RHOBTB2: variants seen among roughly 807,000 people sequenced by gnomAD.
RHOBTB2 encodes rho-related BTB domain-containing protein 2.
In RHOBTB2, 39 loss-of-function variants were observed where a neutral mutation model predicts 66.5. That is an observed-to-expected ratio of 0.59 (90% CI 0.45 to 0.77). The LOEUF is 0.77. Ranked by LOEUF, RHOBTB2 falls within the 30% of genes least tolerant of loss-of-function variation. The pLI is 0.00. For missense variants in RHOBTB2, 755 were observed against 999.1 expected (o/e 0.76, Z 3.29); for synonymous variants, 390 against 395.0 (o/e 0.99, Z 0.15).
At chr8:22,985,647 G>T (rs909188575), upstream of RHOBTB2, among the ~76,000 whole-genome samples, 2 of 152,196 alleles carry the variant, frequency 1.3e-5, no homozygotes, top group African/African-American at 4.8e-5. Flanking sequence ...TCCCAACAGG[G>T]AGGAAGGTGC....
At chr8:22,998,338 G>A (rs190350048), upstream of RHOBTB2, among the ~76,000 whole-genome samples, 18 of 152,248 alleles carry the variant, frequency 1.2e-4, no homozygotes, top group African/African-American at 2.2e-4. Context: ...TGGTGGAGGC[G>A]GTTCAGGTGG....
chr8:22,984,199 C>A (rs967227767), upstream of RHOBTB2, among the ~76,000 whole-genome samples: 41 of 152,142 alleles, frequency 2.7e-4, no homozygotes, highest in Admixed American at 1.6e-3. Flanking sequence ...GCAAGCCAAC[C>A]TAAACAGTAT....
At chr8:22,996,022 G>A (rs1810543831), upstream of RHOBTB2, 11 of 804,388 alleles carry the variant, frequency 1.4e-5, no homozygotes, top group South Asian at 7.4e-5. Flanking sequence ...GGAGAGCAAC[G>A]CTGGTGGGAC....
At chr8:23,015,827 G>T in intron 9 of RHOBTB2, 84 bp downstream of exon 9, 1 of 966,404 alleles carries the variant, frequency 1.0e-6, no homozygotes, top group Middle Eastern at 2.2e-4. Flanking sequence ...GGGACCCCGA[G>T]GCTGCCAGTA....
chr8:22,959,611 C>A, the RHOBTB2 span, among the ~76,000 whole-genome samples: 1 of 152,126 alleles, frequency 6.6e-6, no homozygotes, highest in African/African-American at 2.4e-5. Context: ...AATTCTATCT[C>A]AAGATCAGGT....
chr8:23,008,499 C>G (rs768232747), intron 6 of RHOBTB2, among the ~76,000 whole-genome samples: 2 of 152,156 alleles, frequency 1.3e-5, no homozygotes, highest in Non-Finnish European at 2.9e-5. Context: ...TACTTTGTAC[C>G]TTACTGCCTC....
At position 23,006,713 on chromosome 8, in the gene RHOBTB2, T is replaced by A; in HGVS notation, c.483-15T>A. The A allele has an allele frequency of 1.3e-6, 2 of 1,596,518 alleles. No individual in the cohort carries two copies. The highest frequency in any genetic ancestry group is 1.7e-6 in the Non-Finnish European group (2 of 1,168,478). ...ACCACCAACACAAGCTTGGTTTCCTTCTTGAACCTACCAGGCCCATCAAAC... is the reference window on the plus strand; with the variant it reads ...ACCACCAACACAAGCTTGGTTTCCTACTTGAACCTACCAGGCCCATCAAAC... On this transcript the variant is annotated splice_polypyrimidine_tract_variant and intron_variant, in intron 4 of 9. Coordinates refer to ENST00000251822, the MANE Select transcript of RHOBTB2 (RefSeq NM_015178.3). The surrounding 1 kb of genome is among the most constrained non-coding windows in gnomAD (Gnocchi z 6.1).
chr8:22,961,729 T>C, the RHOBTB2 span, among the ~76,000 whole-genome samples: 1 of 152,162 alleles, frequency 6.6e-6, no homozygotes, highest in South Asian at 2.1e-4. Flanking sequence ...GCTTTGCATC[T>C]ATCTCTTCAG....
the RHOBTB2 span, among the ~76,000 whole-genome samples, chr8:22,959,410 C>G: frequency 6.6e-6 from 1 of 152,016 alleles, no homozygotes; most frequent in Non-Finnish European, 1.5e-5. Flanking sequence ...CCATGCTCAG[C>G]TAGTTTTGTT....
At chr8:22,951,315 G>A in the RHOBTB2 span, among the ~76,000 whole-genome samples, 2 of 130,176 alleles carry the variant, frequency 1.5e-5, no homozygotes, top group South Asian at 2.4e-4. Flanking sequence ...GCAGTGGCGC[G>A]ATCTCAGCTC....
At chr8:23,011,264 A>G (rs1811139304) in intron 7 of RHOBTB2, among the ~76,000 whole-genome samples, 1 of 152,190 alleles carries the variant, frequency 6.6e-6, no homozygotes, top group African/African-American at 2.4e-5. Flanking sequence ...AAAAACAAAC[A>G]AACAAAAAAT....
chr8:23,011,771 G>T (rs990651120), intron 7 of RHOBTB2, among the ~76,000 whole-genome samples: 1 of 152,214 alleles, frequency 6.6e-6, no homozygotes, highest in Non-Finnish European at 1.5e-5. Context: ...TGATGCCGAG[G>T]TTAATATTCT....
intron 1 of RHOBTB2, among the ~76,000 whole-genome samples, chr8:22,987,993 C>A (rs917871454): frequency 1.2e-4 from 18 of 152,176 alleles, no homozygotes; most frequent in African/African-American, 4.3e-4. Flanking sequence ...CCACCCCCCA[C>A]AACCCACTGA....
At chr8:23,014,390 T>G (rs1811229680) in intron 7 of RHOBTB2, among the ~76,000 whole-genome samples, 1 of 152,234 alleles carries the variant, frequency 6.6e-6, no homozygotes, top group Non-Finnish European at 1.5e-5. Flanking sequence ...GCTGGTTCTG[T>G]TGGGAACTTT....
chr8:22,966,604 A>G, the RHOBTB2 span, among the ~76,000 whole-genome samples: 1 of 152,036 alleles, frequency 6.6e-6, no homozygotes, highest in Non-Finnish European at 1.5e-5. Flanking sequence ...AACACAGCAA[A>G]ACCTTACCTC....
intron 1 of RHOBTB2, among the ~76,000 whole-genome samples, chr8:22,989,612 G>C (rs1041600960): frequency 6.6e-6 from 1 of 152,144 alleles, no homozygotes; most frequent in Non-Finnish European, 1.5e-5. Flanking sequence ...TCAGAACTTG[G>C]GGATCATCTA....
upstream of RHOBTB2, among the ~76,000 whole-genome samples, chr8:22,998,724 C>CAAAAAAA (rs555614764): frequency 1.2e-5 from 1 of 81,302 alleles, no homozygotes; most frequent in Non-Finnish European, 2.3e-5. Flanking sequence ...GAGGGAGACT[C>CAAAAAAA]AAAAAAAAAA....
Position 23,006,411 on chromosome 8 carries a change from T to A in RHOBTB2, c.482+266T>A, listed in dbSNP as rs1258669804. 1.8e-6 allele frequency: 1 copy of A among 552,858 alleles called. No individual in the cohort carries two copies. Among genetic ancestry groups the A allele is most frequent in the African/African-American group, 1.9e-5 (1 of 53,380 alleles). 34.2% of individuals were successfully genotyped at this position (552,858 alleles called of 1,614,324 possible). ...GCATGAAAAAGTCCTATAATTTTGCTGAGGGATAAACTAAATATGTGAGCA... is the reference window on the plus strand; with the variant it reads ...GCATGAAAAAGTCCTATAATTTTGCAGAGGGATAAACTAAATATGTGAGCA... On this transcript the variant is annotated intron_variant, in intron 4 of 9. Coordinates refer to ENST00000251822, the MANE Select transcript of RHOBTB2 (RefSeq NM_015178.3). This position sits in a 1 kb window ranked among gnomAD's most constrained non-coding sequence, Gnocchi z 6.1.
intron 7 of RHOBTB2, among the ~76,000 whole-genome samples, chr8:23,013,601 T>G (rs1811208631): frequency 6.6e-6 from 1 of 151,854 alleles, no homozygotes; most frequent in South Asian, 2.1e-4. Context: ...GTTCAGGAGA[T>G]TCTCATGCCT....
Sources: allele counts gnomAD v4.1 joint callset (sites outside exome capture counted in the v4.1 genomes callset), GRCh38; gene constraint gnomAD v4.1.1; non-coding constraint Gnocchi (gnomAD v3.1); transcripts MANE v1.5; gene names NCBI Gene and HGNC (gene_info 2026-07-23, HGNC 2026-07-21).